Variants in CACNA1E observed in about 807,000 individuals in gnomAD.
The protein encoded by CACNA1E is voltage-dependent R-type calcium channel subunit alpha-1E.
Under a neutral mutation model 259.2 loss-of-function variants are expected in CACNA1E, and 40 were observed. That is an observed-to-expected ratio of 0.15 (90% CI 0.12 to 0.20). The LOEUF (loss-of-function observed/expected upper bound fraction) is 0.20, where lower values mean the gene tolerates loss of function less well. CACNA1E is among the 10% of genes least tolerant of loss of function. The probability of loss-of-function intolerance (pLI) is 1.00; values close to 1 mark genes in which losing one functional copy is unlikely to be tolerated. For missense variants in CACNA1E, 1,874 were observed against 3,040.1 expected (o/e 0.62, Z 9.02); for synonymous variants, 1,104 against 1,138.5 (o/e 0.97, Z 0.61).
chr1:181,730,993 A>C (rs1655418856), intron 18 of CACNA1E, among the ~76,000 whole-genome samples, 182 bp from the exon 19 acceptor site: 1 of 152,244 alleles, frequency 6.6e-6, no homozygotes. Context: ...CATAGCAAGG[A>C]ATCGAAAGTC....
At chr1:181,502,542 C>A (rs531990414) in intron 1 of CACNA1E, among the ~76,000 whole-genome samples, 1 of 152,150 alleles carries the variant, frequency 6.6e-6, no homozygotes, top group Admixed American at 6.5e-5. Flanking sequence ...CAGGGTGGAG[C>A]GGCTTGCTGA....
intron 6 of CACNA1E, among the ~76,000 whole-genome samples, chr1:181,610,674 A>G (rs1654677033): frequency 6.6e-6 from 1 of 152,186 alleles, no homozygotes; most frequent in Non-Finnish European, 1.5e-5. Flanking sequence ...ATGTCAATAG[A>G]GATGTCCTGA....
chr1:181,535,165 C>T (rs1668075363), intron 3 of CACNA1E, among the ~76,000 whole-genome samples: 2 of 152,042 alleles, frequency 1.3e-5, no homozygotes, highest in South Asian at 4.1e-4. Flanking sequence ...AGGAGATTTC[C>T]AACTGGTTTT....
chr1:181,385,600 C>T (rs1655786674), intron 1 of CACNA1E, among the ~76,000 whole-genome samples: 2 of 152,240 alleles, frequency 1.3e-5, no homozygotes, highest in African/African-American at 4.8e-5. Flanking sequence ...GCCATGAACT[C>T]TCCAGCTATT....
intron 7 of CACNA1E, among the ~76,000 whole-genome samples, chr1:181,671,815 G>C (rs978635083): frequency 5.3e-5 from 8 of 152,182 alleles, no homozygotes; most frequent in Non-Finnish European, 1.0e-4. Flanking sequence ...CTTCACTCAG[G>C]GGTGTTAAAA....
intron 7 of CACNA1E, among the ~76,000 whole-genome samples, chr1:181,700,244 C>T (rs1652105713): frequency 6.6e-6 from 1 of 152,078 alleles, no homozygotes; most frequent in Admixed American, 6.6e-5. Context: ...CCACTGAGCC[C>T]CAAACCCCTG....
chr1:181,576,203 G>A (rs181475504), intron 3 of CACNA1E, among the ~76,000 whole-genome samples: 207 of 152,268 alleles, frequency 1.4e-3, no homozygotes, highest in African/African-American at 4.9e-3. Context: ...TTATTTTTAG[G>A]TAGTATGAAC....
At chr1:181,792,014 T>C (rs371666108) in intron 44 of CACNA1E, among the ~76,000 whole-genome samples, 4 of 152,154 alleles carry the variant, frequency 2.6e-5, no homozygotes, top group Non-Finnish European at 5.9e-5. Flanking sequence ...GGCTGAGCAA[T>C]TGACTGCCTG....
intron 6 of CACNA1E, among the ~76,000 whole-genome samples, chr1:181,583,902 G>A (rs1198070024): frequency 1.3e-5 from 2 of 152,080 alleles, no homozygotes; most frequent in East Asian, 1.9e-4. Flanking sequence ...AGGTCTCCTC[G>A]ACTTGCAAAC....
intron 1 of CACNA1E, among the ~76,000 whole-genome samples, chr1:181,355,059 C>A (rs1321831056): frequency 6.6e-6 from 1 of 152,202 alleles, no homozygotes; most frequent in Non-Finnish European, 1.5e-5. Context: ...GAGAAAGGTG[C>A]AAATTTCTCA....
intron 2 of CACNA1E, among the ~76,000 whole-genome samples, 172 bp downstream of exon 2, chr1:181,510,754 A>T (rs1444369762): frequency 6.6e-6 from 1 of 152,192 alleles, no homozygotes; most frequent in Non-Finnish European, 1.5e-5. Flanking sequence ...GGAAAAGAAG[A>T]GATTACAAAC....
At chr1:181,710,810 T>C (rs1000855704) in intron 7 of CACNA1E, 144 bp from the exon 8 acceptor site, 1 of 628,934 alleles carries the variant, frequency 1.6e-6, no homozygotes. Flanking sequence ...AAGGAGGTCA[T>C]ATTTGCAGCC....
Position 181,772,137 on chromosome 1 carries a change from C to A in CACNA1E, c.5045C>A (p.Thr1682Asn), listed in dbSNP as rs775398717. The change falls in exon 37 of 48, where the codon ACC becomes AAC. Residue 1682 changes from threonine to asparagine, a missense_variant. Thr to Asn is a moderately conservative substitution (Grantham distance 65, BLOSUM62 0). This residue lies in a region of CACNA1E where 147 missense variants were observed against 337.1 expected (regional missense o/e 0.44). Coordinates refer to ENST00000367573, the MANE Select transcript of CACNA1E (RefSeq NM_001205293.3). ...CLGEKGCEPDTTAPSGQNENE... is the reference protein window; with the variant it reads ...CLGEKGCEPDNTAPSGQNENE... ...GGGGAGAAGGGCTGTGAGCCTGACA[C>A]CACCGCACCATCAGGGCAGAACGAG... The A allele has an allele frequency of 6.2e-7, 1 of 1,613,898 alleles. No homozygotes were observed. Among genetic ancestry groups the A allele is most frequent in the Admixed American group, 1.7e-5 (1 of 60,028 alleles).
At chr1:181,611,958 T>A in intron 6 of CACNA1E, among the ~76,000 whole-genome samples, 1 of 152,180 alleles carries the variant, frequency 6.6e-6, no homozygotes, top group Middle Eastern at 3.2e-3. Context: ...AAAAAAGATA[T>A]TCTCTAAAAA....
At chr1:181,412,984 TG>T (rs780661571) in intron 1 of CACNA1E, 15 of 152,658 alleles carry the variant, frequency 9.8e-5, no homozygotes, top group Non-Finnish European at 2.1e-4. Flanking sequence ...AGGCCCGGGA[TG>T]TAGCACTGAG....
upstream of CACNA1E, among the ~76,000 whole-genome samples, chr1:181,482,071 C>A (rs914220053): frequency 6.6e-6 from 1 of 152,242 alleles, no homozygotes; most frequent in Non-Finnish European, 1.5e-5. Context: ...GCACCACCAG[C>A]AGAGTGTGGA....
chr1:181,668,422 G>A (rs191111582), intron 7 of CACNA1E, among the ~76,000 whole-genome samples: 4 of 152,218 alleles, frequency 2.6e-5, no homozygotes, highest in Non-Finnish European at 5.9e-5. Flanking sequence ...TTCAGTTTGG[G>A]TTACTACAAG....
chr1:181,508,493 G>A (rs1472266668), intron 1 of CACNA1E, among the ~76,000 whole-genome samples: 1 of 152,224 alleles, frequency 6.6e-6, no homozygotes, highest in Non-Finnish European at 1.5e-5. Flanking sequence ...TGCAGGATGA[G>A]TCTGGGATTC....
intron 18 of CACNA1E, among the ~76,000 whole-genome samples, chr1:181,729,289 G>A (rs899205146): frequency 6.6e-6 from 1 of 152,180 alleles, no homozygotes; most frequent in South Asian, 2.1e-4. Context: ...TAAGGTGTGT[G>A]TGCTCTGCAC....
Sources: allele counts gnomAD v4.1 joint callset (sites outside exome capture counted in the v4.1 genomes callset), GRCh38; gene constraint gnomAD v4.1.1; regional missense constraint gnomAD v4.1.1; transcripts MANE v1.5; gene names NCBI Gene and HGNC (gene_info 2026-07-23, HGNC 2026-07-21).